Variants in CAST observed in about 807,000 individuals in gnomAD.
The protein encoded by CAST is MIR583 host.
CAST carries 76 observed loss-of-function variants against 119.6 expected under a neutral mutation model. The ratio of observed to expected loss-of-function variants is 0.64; its 90% CI spans 0.53 to 0.77. The LOEUF is 0.77. Among genes scored for constraint, CAST ranks in the 30% least tolerant of loss-of-function variants. The probability of loss-of-function intolerance (pLI) is 0.00; values close to 1 mark genes in which losing one functional copy is unlikely to be tolerated. For missense variants in CAST, 953 were observed against 946.5 expected (o/e 1.01, Z -0.09); for synonymous variants, 319 against 331.6 (o/e 0.96, Z 0.41).
At chr5:96,599,736 C>A (rs1365307872) in intron 1 of CAST, among the ~76,000 whole-genome samples, 1 of 152,066 alleles carries the variant, frequency 6.6e-6, no homozygotes, top group East Asian at 1.9e-4. Flanking sequence ...TAATTCTGTG[C>A]CACACACTTG....
At chr5:96,255,657 T>G in the CAST span, among the ~76,000 whole-genome samples, 5 of 152,262 alleles carry the variant, frequency 3.3e-5, no homozygotes, top group South Asian at 1.0e-3. Flanking sequence ...AATGAAGTCA[T>G]GAAGTCTGAA....
chr5:96,054,410 T>C, the CAST span, among the ~76,000 whole-genome samples: 9 of 152,188 alleles, frequency 5.9e-5, 1 homozygote, highest in Middle Eastern at 3.4e-3. Flanking sequence ...CAAACCACCA[T>C]GCCTGGCTTG....
the CAST span, among the ~76,000 whole-genome samples, chr5:96,298,879 A>AGAGTGTGT: frequency 6.7e-6 from 1 of 149,698 alleles, no homozygotes; most frequent in South Asian, 2.1e-4. Flanking sequence ...AAATTAGGAG[A>AGAGTGTGT]GTGTGTGTGT....
the CAST span, among the ~76,000 whole-genome samples, chr5:96,517,833 G>A: frequency 5.3e-5 from 8 of 152,276 alleles, no homozygotes; most frequent in Admixed American, 1.3e-4. Context: ...GTTCTATAGC[G>A]TTGTGATACA....
chr5:96,002,440 A>G, the CAST span, among the ~76,000 whole-genome samples: 1 of 152,214 alleles, frequency 6.6e-6, no homozygotes, highest in African/African-American at 2.4e-5. Context: ...AAGATGGCCA[A>G]TGGCTGCTCC....
the CAST span, among the ~76,000 whole-genome samples, chr5:96,221,773 G>A: frequency 6.6e-6 from 1 of 151,812 alleles, no homozygotes; most frequent in Non-Finnish European, 1.5e-5. Flanking sequence ...AATTTATTTA[G>A]AACAAAAAAA....
At position 96,773,843 on chromosome 5, in the gene CAST, G is replaced by C. The variant is rs778990695; in HGVS notation, c.*1227G>C. 6.6e-6 allele frequency: 1 copy of C among 152,226 alleles called. No homozygotes were observed. Among genetic ancestry groups the C allele is most frequent in the Non-Finnish European group, 1.5e-5 (1 of 68,022 alleles). 9.4% of individuals were successfully genotyped at this position (152,226 alleles called of 1,614,324 possible). Reference sequence around the variant, plus strand: ...ATTGGGAATTTATTGTTTCCAAAGGGCATGGCCTTCCTTAGCATCAGTTTG... The same window carrying C: ...ATTGGGAATTTATTGTTTCCAAAGGCCATGGCCTTCCTTAGCATCAGTTTG... On this transcript the variant is annotated 3_prime_UTR_variant, in exon 32 of 32. Coordinates refer to ENST00000675179, the MANE Select transcript of CAST (RefSeq NM_001750.7).
Position 96,695,897 on chromosome 5 carries a change from C to T in CAST, c.200C>T (p.Ser67Leu), listed in dbSNP as rs776197495. 73 of 1,611,558 alleles carry T rather than the reference C, an allele frequency of 4.5e-5. No homozygotes were observed. The highest frequency in any genetic ancestry group is 1.6e-4 in the Middle Eastern group (1 of 6,078). Reference protein sequence around the residue: ...SSRTYAGGTASATKVSASSGA... With the variant: ...SSRTYAGGTALATKVSASSGA... ...AGAACCTATGCTGGTGGAACAGCCT[C>T]GGCCACCAAGGTCAGTGATTTCCTG... is the stretch of plus-strand genomic sequence containing the variant. Residue 67 changes from serine to leucine, a missense_variant, in exon 3 of 32, where the codon TCG (serine) becomes TTG (leucine). By Grantham distance (145) the Ser-to-Leu change is moderately radical. Coordinates refer to ENST00000675179, the MANE Select transcript of CAST (RefSeq NM_001750.7).
At chr5:96,023,190 A>T in the CAST span, among the ~76,000 whole-genome samples, 4 of 152,198 alleles carry the variant, frequency 2.6e-5, no homozygotes, top group Admixed American at 2.0e-4. Flanking sequence ...AGCCACAGGG[A>T]TGAGCAAAAG....
chr5:96,609,590 C>T (rs261203), intron 1 of CAST, among the ~76,000 whole-genome samples: 52,570 of 152,058 alleles, frequency 0.35, 10,389 homozygotes, highest in Admixed American at 0.44. Context: ...ATGTGAATCA[C>T]CCAGTAAACA....
At chr5:96,421,359 A>G in the CAST span, among the ~76,000 whole-genome samples, 1 of 151,144 alleles carries the variant, frequency 6.6e-6, no homozygotes, top group Non-Finnish European at 1.5e-5. Flanking sequence ...AATGCCCTGG[A>G]GACTGTGTTG....
chr5:96,313,389 T>C, the CAST span, among the ~76,000 whole-genome samples: 3 of 152,264 alleles, frequency 2.0e-5, no homozygotes, highest in African/African-American at 7.2e-5. Context: ...TTGTGTCTCA[T>C]AGTTTTTTTC....
At chr5:96,012,933 A>G in the CAST span, among the ~76,000 whole-genome samples, 1 of 152,176 alleles carries the variant, frequency 6.6e-6, no homozygotes, top group East Asian at 1.9e-4. Flanking sequence ...AAGCTGGTCT[A>G]CAGATCTGAG....
At chr5:96,383,640 G>C in the CAST span, among the ~76,000 whole-genome samples, 1 of 152,248 alleles carries the variant, frequency 6.6e-6, no homozygotes, top group South Asian at 2.1e-4. Context: ...TAGAGATGAG[G>C]TTTCACCATG....
At chr5:96,173,919 T>A in the CAST span, among the ~76,000 whole-genome samples, 1 of 151,682 alleles carries the variant, frequency 6.6e-6, no homozygotes, top group Non-Finnish European at 1.5e-5. Flanking sequence ...TTTTTTTGTA[T>A]TTTTAGTAGA....
At chr5:96,634,373 T>G (rs1747859790) in intron 1 of CAST, among the ~76,000 whole-genome samples, 1 of 152,268 alleles carries the variant, frequency 6.6e-6, no homozygotes, top group African/African-American at 2.4e-5. Flanking sequence ...GTGAAGATTC[T>G]ATGAAATTAT....
chr5:96,661,024 TGAA>T (rs767498812), upstream of CAST, among the ~76,000 whole-genome samples: 21 of 151,922 alleles, frequency 1.4e-4, no homozygotes, highest in East Asian at 9.7e-4. Context: ...GCCTATCCTT[TGAA>T]GAAGAAGTCA....
the CAST span, among the ~76,000 whole-genome samples, chr5:96,241,109 T>C: frequency 6.6e-6 from 1 of 151,996 alleles, no homozygotes; most frequent in Non-Finnish European, 1.5e-5. Context: ...ATGTGCACAA[T>C]GTGCAGGTTA....
the CAST span, among the ~76,000 whole-genome samples, chr5:96,259,959 A>G: frequency 6.6e-6 from 1 of 151,542 alleles, no homozygotes; most frequent in South Asian, 2.1e-4. Flanking sequence ...GAATACTTTT[A>G]AGAAGCTTTC....
Sources: allele counts gnomAD v4.1 joint callset (sites outside exome capture counted in the v4.1 genomes callset), GRCh38; gene constraint gnomAD v4.1.1; transcripts MANE v1.5; gene names NCBI Gene and HGNC (gene_info 2026-07-23, HGNC 2026-07-21).